Variants in TBC1D30 observed in about 807,000 individuals in gnomAD.
The protein encoded by TBC1D30 is TBC1 domain family, member 30.
A neutral mutation model predicts 63.2 loss-of-function variants in TBC1D30; 31 were observed. That is an observed-to-expected ratio of 0.49 (90% confidence interval 0.37 to 0.66). The LOEUF is 0.66. Ranked by LOEUF, TBC1D30 falls within the 30% of genes least tolerant of loss-of-function variation. The probability of loss-of-function intolerance (pLI) is 0.00; values close to 1 mark genes in which losing one functional copy is unlikely to be tolerated. For synonymous variants in TBC1D30, 307 were observed against 361.5 expected (o/e 0.85, Z 1.71); for missense variants, 810 against 953.6 (o/e 0.85, Z 1.98).
intron 11 of TBC1D30, among the ~76,000 whole-genome samples, chr12:64,872,915 G>A (rs1376968913): frequency 1.3e-5 from 2 of 152,122 alleles, no homozygotes; most frequent in African/African-American, 2.4e-5. Flanking sequence ...GCACGGGAAA[G>A]ACCTACCCCC....
rs1320364958 is a variant in TBC1D30, at chr12:64,864,678, C to T, written c.1049C>T (p.Ser350Phe). ...GCTTTTGTTTTACAGACTGTTTATT[C>T]CATGGCTCCGTTCCCTTTCCCACAA... ...QSHELMQTVYSMAPFPFPQLA... is the reference protein window; with the variant it reads ...QSHELMQTVYFMAPFPFPQLA... Residue 350 changes from serine (S) to phenylalanine (F), a missense_variant, in exon 9 of 12, where the codon TCC becomes TTC. By Grantham distance (155) the Ser-to-Phe change is radical. Coordinates refer to ENST00000539867, the MANE Select transcript of TBC1D30 (RefSeq NM_015279.2). 1 of 1,536,210 alleles carries T rather than the reference C, an allele frequency of 6.5e-7. No individual in the cohort carries two copies. Among genetic ancestry groups the T allele is most frequent in the African/African-American group, 1.4e-5 (1 of 73,128 alleles).
intron 8 of TBC1D30, among the ~76,000 whole-genome samples, chr12:64,845,790 G>C (rs1876324414): frequency 6.6e-6 from 1 of 151,682 alleles, no homozygotes; most frequent in Non-Finnish European, 1.5e-5. Flanking sequence ...CTCCCGAGTA[G>C]CTGGAACTAT....
Position 64,876,752 on chromosome 12 carries a change from A to C in TBC1D30, c.*964A>C. ...GCTTTTTGATTGGAGTCCTTTGTTGAGTACTTTGTTAATTGAACACTGCCT... is the reference window on the plus strand; with the variant it reads ...GCTTTTTGATTGGAGTCCTTTGTTGCGTACTTTGTTAATTGAACACTGCCT... On this transcript the variant is annotated 3_prime_UTR_variant, in exon 12 of 12. Coordinates refer to ENST00000539867, the MANE Select transcript of TBC1D30 (RefSeq NM_015279.2). 1 of 455,818 alleles carries C rather than the reference A, an allele frequency of 2.2e-6. No homozygotes were observed. Among genetic ancestry groups the C allele is most frequent in the Non-Finnish European group, 4.4e-6 (1 of 226,658 alleles). 28.2% of individuals were successfully genotyped at this position (455,818 alleles called of 1,614,324 possible).
At chr12:64,767,783 T>C (rs1870765139) in intron 1 of TBC1D30, among the ~76,000 whole-genome samples, 1 of 7,502 alleles carries the variant, frequency 1.3e-4, no homozygotes, top group South Asian at 0.011. Context: ...ATACACATGC[T>C]CCGGCGGGGG....
chr12:64,830,301 G>A, intron 3 of TBC1D30, 76 bp from the exon 4 acceptor site: 2 of 1,383,286 alleles, frequency 1.4e-6, no homozygotes, highest in Non-Finnish European at 1.9e-6. Context: ...CTTGTCGAAT[G>A]CAATAACTAC....
chr12:64,761,391 A>G (rs1296999484), intron 1 of TBC1D30, among the ~76,000 whole-genome samples: 1 of 152,220 alleles, frequency 6.6e-6, no homozygotes, highest in Non-Finnish European at 1.5e-5. Flanking sequence ...GGGGCTGAGT[A>G]AAATAAGCCT....
chr12:64,875,347 A>T lies in TBC1D30; in HGVS notation c.1845A>T (p.Thr615=). Residue 615 remains threonine (T), a synonymous_variant, in exon 12 of 12, where the codon ACA becomes ACT. Coordinates refer to ENST00000539867, the MANE Select transcript of TBC1D30 (RefSeq NM_015279.2). ...GAAEAFPSGC[T]ATAGREGSSP... is the part of the protein sequence containing the mutation. ...CAGAGGCATTCCCCTCTGGTTGTAC[A>T]GCGACAGCTGGGAGAGAAGGCAGCA... 1.3e-6 allele frequency: 2 copies of T among 1,536,260 alleles called. No individual in the cohort carries two copies. Among genetic ancestry groups the T allele is most frequent in the Admixed American group, 2.0e-5 (1 of 51,010 alleles).
rs142734334 is a variant in TBC1D30, at chr12:64,869,512, C to G, written c.1292-1090C>G. 3.8e-3 allele frequency among the ~76,000 whole-genome samples: 578 copies of G among 152,262 alleles called. 2 individuals are homozygous for G. The highest frequency in any genetic ancestry group is 7.1e-3 in the Non-Finnish European group (481 of 68,018). ...TTGATTTCTGCAATGCCTTCTACCCCCTTTCTTATTGCCTGAGTTCCAGCT... is the reference window on the plus strand; with the variant it reads ...TTGATTTCTGCAATGCCTTCTACCCGCTTTCTTATTGCCTGAGTTCCAGCT... On this transcript the variant is annotated intron_variant, in intron 10 of 11. Coordinates refer to ENST00000539867, the MANE Select transcript of TBC1D30 (RefSeq NM_015279.2).
chr12:64,796,231 T>G (rs984114716), intron 2 of TBC1D30, among the ~76,000 whole-genome samples: 3 of 152,096 alleles, frequency 2.0e-5, no homozygotes, highest in African/African-American at 7.2e-5. Flanking sequence ...AAACTGAATC[T>G]TAGTCACGGT....
chr12:64,822,036 T>A (rs78333606), upstream of TBC1D30, among the ~76,000 whole-genome samples: 4,557 of 152,312 alleles, frequency 0.03, 211 homozygotes, highest in African/African-American at 0.1. Flanking sequence ...ATAGATTCTT[T>A]TACAGCTCAT....
intron 10 of TBC1D30, among the ~76,000 whole-genome samples, chr12:64,869,737 C>A (rs1202279957): frequency 6.6e-6 from 1 of 151,996 alleles, no homozygotes; most frequent in African/African-American, 2.4e-5. Context: ...TTAGCAGTTT[C>A]TCTTTTAATT....
intron 1 of TBC1D30, among the ~76,000 whole-genome samples, chr12:64,761,897 C>A (rs986942367): frequency 4.6e-5 from 7 of 152,194 alleles, no homozygotes; most frequent in African/African-American, 1.4e-4. Context: ...GGACCCCTTT[C>A]CGGTAACACT....
intron 10 of TBC1D30, among the ~76,000 whole-genome samples, chr12:64,869,330 G>A (rs1465854718): frequency 6.6e-6 from 1 of 152,144 alleles, no homozygotes; most frequent in Non-Finnish European, 1.5e-5. Flanking sequence ...ACTTTTGGTG[G>A]TGATCTTTTG....
At chr12:64,792,095 CACTT>C (rs1275588611) in intron 2 of TBC1D30, among the ~76,000 whole-genome samples, 21 of 152,212 alleles carry the variant, frequency 1.4e-4, no homozygotes, top group African/African-American at 5.1e-4. Flanking sequence ...AACAGGAATT[CACTT>C]ACTACTTAAA....
rs185886470 is a variant in TBC1D30 at position 64,793,204 on chromosome 12, G to A, written c.643+7159G>A. Among the ~76,000 whole-genome samples, 146 of 152,156 alleles carry A rather than the reference G, an allele frequency of 9.6e-4. 1 individual carries two copies. The highest frequency in any genetic ancestry group is 3.4e-3 in the African/African-American group (142 of 41,514). Reference sequence around the variant, plus strand: ...AAAAATAAACAAAAATTCGCTGGGCGTTGTGGCATGCATCTGTAGTCCCAG... The same window carrying A: ...AAAAATAAACAAAAATTCGCTGGGCATTGTGGCATGCATCTGTAGTCCCAG... On this transcript the variant is annotated intron_variant, in intron 2 of 12. Coordinates refer to the TBC1D30 transcript ENST00000542120.
chr12:64,848,917 C>T (rs1876629008), intron 8 of TBC1D30, among the ~76,000 whole-genome samples: 1 of 152,204 alleles, frequency 6.6e-6, no homozygotes. Context: ...CCTATTTCTC[C>T]ACATCCTCTC....
intron 1 of TBC1D30, among the ~76,000 whole-genome samples, chr12:64,826,575 A>C: frequency 6.6e-6 from 1 of 151,770 alleles, no homozygotes; most frequent in Admixed American, 6.6e-5. Context: ...GGCTGGAAAC[A>C]CTCCCGTGGC....
chr12:64,801,326 G>A (rs1872572626), intron 2 of TBC1D30, among the ~76,000 whole-genome samples: 2 of 152,208 alleles, frequency 1.3e-5, no homozygotes, highest in Admixed American at 1.3e-4. Flanking sequence ...TTGTGTGTGT[G>A]TGTGCATGTG....
rs933925009 is a variant in TBC1D30, at chr12:64,866,894, C to G, written c.1282C>G (p.Gln428Glu). 59 of 1,535,810 alleles carry G rather than the reference C, an allele frequency of 3.8e-5. No homozygotes were observed. The highest frequency in any genetic ancestry group is 5.1e-5 in the Non-Finnish European group (59 of 1,146,884). Residue 428 changes from glutamine to glutamate, a missense_variant, in exon 10 of 12, where the codon CAA becomes GAA. Coordinates refer to ENST00000539867, the MANE Select transcript of TBC1D30 (RefSeq NM_015279.2). ...LAPELQKYQK[Q>E]IKEPNEEQSL... ...TCCTGAACTGCAGAAGTACCAAAAACAAATTAAAGGTAAAGAGGTGGCTCT... is the reference window on the plus strand; with the variant it reads ...TCCTGAACTGCAGAAGTACCAAAAAGAAATTAAAGGTAAAGAGGTGGCTCT...
Sources: allele counts gnomAD v4.1 joint callset (sites outside exome capture counted in the v4.1 genomes callset), GRCh38; gene constraint gnomAD v4.1.1; transcripts MANE v1.5; gene names NCBI Gene and HGNC (gene_info 2026-07-23, HGNC 2026-07-21).